The following KDM6A variants were observed in gnomAD, a reference collection of about 807,000 sequenced individuals.
KDM6A encodes lysine demethylase 6A.
In KDM6A, 11 loss-of-function variants were observed where a neutral mutation model predicts 117.6. The ratio of observed to expected loss-of-function variants is 0.09; its 90% CI spans 0.06 to 0.15. The LOEUF (loss-of-function observed/expected upper bound fraction) is 0.15. KDM6A is among the 10% of genes least tolerant of loss of function. The pLI, the probability that KDM6A is intolerant of heterozygous loss-of-function variation, is 1.00. For synonymous variants in KDM6A, 384 were observed against 396.1 expected, an observed-to-expected ratio of 0.97 and a Z score of 0.36; for missense variants, 799 against 1,077.3, an observed-to-expected ratio of 0.74 and a Z score of 3.62.
intron 2 of KDM6A, among the ~76,000 whole-genome samples, chrX:44,876,489 T>C (rs2031556878): frequency 1.8e-5 from 2 of 110,449 alleles, no homozygotes; most frequent in African/African-American, 6.6e-5. Context: ...AGAATTCTTA[T>C]TCCCTGAAAG....
At chrX:45,020,083 GA>G (rs1220779156) in intron 5 of KDM6A, among the ~76,000 whole-genome samples, 1 of 111,433 alleles carries the variant, frequency 9.0e-6, no homozygotes, top group African/African-American at 3.3e-5. Flanking sequence ...GGTACTATTG[GA>G]TATCAGTTTG....
intron 3 of KDM6A, among the ~76,000 whole-genome samples, chrX:44,968,515 C>T (rs2039146430): frequency 8.8e-6 from 1 of 113,057 alleles, no homozygotes; most frequent in Admixed American, 9.3e-5. Flanking sequence ...GGAGGACACC[C>T]TGAGAGATAC....
In KDM6A at chrX:44,908,149, CT is replaced by C. The variant is rs1322903290; in HGVS notation, c.225+34163del. The stretch of plus-strand genomic sequence containing the variant: ...CCTGCCATCATTTCTTTCCAGGATT[CT>C]GCTGCTTGAAAGGGCTTTTGTCTTG... On this transcript the variant is annotated intron_variant, in intron 2 of 29. Transcript: ENST00000611820. Among the ~76,000 whole-genome samples, 32 of 110,843 alleles carry C rather than the reference CT, an allele frequency of 2.9e-4. 1 individual carries two copies. Among genetic ancestry groups the C allele is most frequent in the Admixed American group, 2.6e-3 (27 of 10,368 alleles).
At chrX:44,952,982 A>G (rs946268102) in intron 2 of KDM6A, among the ~76,000 whole-genome samples, 8 of 109,578 alleles carry the variant, frequency 7.3e-5, no homozygotes, top group African/African-American at 2.3e-4. Flanking sequence ...GAGTCTCCCT[A>G]TGTTGCCCAG....
chrX:44,912,916 T>C (rs2035299586), intron 2 of KDM6A, among the ~76,000 whole-genome samples: 1 of 112,541 alleles, frequency 8.9e-6, no homozygotes, highest in African/African-American at 3.2e-5. Context: ...TGTGTTATAC[T>C]CAAAGTTTGC....
intron 8 of KDM6A, among the ~76,000 whole-genome samples, chrX:45,044,666 C>A (rs1239094285): frequency 8.9e-6 from 1 of 111,800 alleles, no homozygotes; most frequent in African/African-American, 3.3e-5. Flanking sequence ...ATGTTCTCTT[C>A]TGACCTTGCT....
intron 4 of KDM6A, among the ~76,000 whole-genome samples, chrX:44,986,600 G>A (rs1290696696): frequency 9.0e-6 from 1 of 111,379 alleles, no homozygotes; most frequent in Non-Finnish European, 1.9e-5. Context: ...CAGAGATTCT[G>A]GTATGTTGTG....
At chrX:44,988,773 T>C in intron 4 of KDM6A, among the ~76,000 whole-genome samples, 1 of 110,668 alleles carries the variant, frequency 9.0e-6, no homozygotes, top group African/African-American at 3.3e-5. Context: ...TCTGGAAGTT[T>C]TGTCTCACAG....
chrX:45,002,549 A>C (rs1340562591), intron 4 of KDM6A, among the ~76,000 whole-genome samples: 1 of 112,363 alleles, frequency 8.9e-6, no homozygotes, highest in Non-Finnish European at 1.9e-5. Flanking sequence ...GTAGGTAAAA[A>C]TGCACATTCT....
At chrX:44,944,166 A>G (rs979906942) in intron 2 of KDM6A, among the ~76,000 whole-genome samples, 1 of 110,731 alleles carries the variant, frequency 9.0e-6, no homozygotes, top group South Asian at 3.9e-4. Context: ...AGCCTGGACA[A>G]CATGGTAAAA....
chrX:44,974,693 G>A lies in KDM6A; in HGVS notation c.362G>A (p.Ser121Asn). ...TTATCTGCATACCAGAGGTACTACA[G>A]TTTACAGTCTGACTACTGGAAGGTT... Reference protein sequence around the residue: ...KALSAYQRYYSLQSDYWKNAA... With the variant: ...KALSAYQRYYNLQSDYWKNAA... Residue 121 changes from serine (S) to asparagine (N), a missense_variant, in exon 4 of 30, where the codon AGT becomes AAT. By Grantham distance (46) the Ser-to-Asn change is conservative. Coordinates refer to ENST00000611820, the MANE Select transcript of KDM6A (RefSeq NM_001291415.2). The A allele has an allele frequency of 8.4e-7, 1 of 1,190,842 alleles. No homozygotes were observed. Among genetic ancestry groups the A allele is most frequent in the African/African-American group, 1.7e-5 (1 of 57,447 alleles).
chrX:44,905,822 C>G (rs1293349111), intron 2 of KDM6A, among the ~76,000 whole-genome samples: 1 of 112,058 alleles, frequency 8.9e-6, no homozygotes, highest in Non-Finnish European at 1.9e-5. Context: ...TTACATTGTT[C>G]CAGAACCAAA....
At chrX:44,926,005 C>G (rs2036282105) in intron 2 of KDM6A, among the ~76,000 whole-genome samples, 1 of 111,211 alleles carries the variant, frequency 9.0e-6, no homozygotes, top group South Asian at 3.8e-4. Flanking sequence ...CTTCAGTGAT[C>G]CTTTTCTGGA....
At position 45,082,660 on chromosome X, in the gene KDM6A, C is replaced by T. The variant is rs770935771; in HGVS notation, c.3365+20C>T. Reference sequence around the variant, plus strand: ...AGATAAGTAAGTCATTTTTAATGTCCACTTAGTATTTCTTTTTAAAAGGCA... The same window carrying T: ...AGATAAGTAAGTCATTTTTAATGTCTACTTAGTATTTCTTTTTAAAAGGCA... On this transcript the variant is annotated intron_variant, in intron 22 of 29. Transcript: ENST00000611820. 2.6e-6 allele frequency: 3 copies of T among 1,172,091 alleles called. No individual in the cohort carries two copies. In the East Asian group the frequency reaches 8.9e-5, roughly 35 times the overall value.
At chrX:44,907,473 T>A (rs867406126) in intron 2 of KDM6A, among the ~76,000 whole-genome samples, 2 of 102,933 alleles carry the variant, frequency 1.9e-5, no homozygotes, top group Non-Finnish European at 4.0e-5. Flanking sequence ...GTGTGTGGTT[T>A]TTTTTTTCTT....
At chrX:45,058,683 G>A (rs768586410) in intron 10 of KDM6A, among the ~76,000 whole-genome samples, 21 of 109,366 alleles carry the variant, frequency 1.9e-4, no homozygotes, top group South Asian at 3.9e-4. Context: ...GAAGAGTGCC[G>A]TGTGTGTGTG....
intron 2 of KDM6A, among the ~76,000 whole-genome samples, chrX:44,880,010 T>TA (rs761494253): frequency 2.7e-5 from 3 of 109,185 alleles, no homozygotes; most frequent in Non-Finnish European, 3.8e-5. Context: ...ACGTCTCTAC[T>TA]AAAAATATAA....
intron 2 of KDM6A, among the ~76,000 whole-genome samples, chrX:44,935,711 A>G (rs895145501): frequency 2.7e-5 from 3 of 111,724 alleles, no homozygotes; most frequent in South Asian, 3.7e-4. Context: ...AAAAAGGCAA[A>G]GCATTTGGAT....
At chrX:45,077,013 C>T (rs993623783) in intron 19 of KDM6A, among the ~76,000 whole-genome samples, 187 bp downstream of exon 19, 10 of 110,760 alleles carry the variant, frequency 9.0e-5, no homozygotes, top group African/African-American at 3.3e-4. Context: ...AAAGGACCTT[C>T]TCAGCTATTA....
Sources: allele counts gnomAD v4.1 joint callset (sites outside exome capture counted in the v4.1 genomes callset), GRCh38; gene constraint gnomAD v4.1.1; transcripts MANE v1.5; gene names NCBI Gene and HGNC (gene_info 2026-07-23, HGNC 2026-07-21).